Variants in LRP1B observed in about 807,000 individuals in gnomAD.
LRP1B encodes the protein LDL receptor related protein 1B, also known as low-density lipoprotein receptor-related protein 1B.
A neutral mutation model predicts 556.6 loss-of-function variants in LRP1B; 217 were observed. The ratio of observed to expected loss-of-function variants is 0.39; its 90% confidence interval spans 0.35 to 0.44. LRP1B has a LOEUF of 0.44. LRP1B is among the 20% of genes least tolerant of loss of function. LRP1B has a pLI of 1.00. For missense variants in LRP1B, 5,053 were observed against 5,620.8 expected (o/e 0.90, Z 3.23); for synonymous variants, 2,047 against 1,865.8 (o/e 1.10, Z -2.50).
In LRP1B at chr2:140,238,311, CATT is replaced by C; in HGVS notation, c.13416-18_13416-16del. ...TTGTTTTTGTCCTAGAATATATAAA[CATT>C]AATATGTGTGAGTTTTGTATAAATA... On this transcript the variant is annotated splice_polypyrimidine_tract_variant and intron_variant, in intron 88 of 90. Coordinates refer to ENST00000389484, the MANE Select transcript of LRP1B (RefSeq NM_018557.3). 7.3e-7 allele frequency: 1 copy of C among 1,370,534 alleles called. No homozygotes were observed. Among genetic ancestry groups the C allele is most frequent in the Non-Finnish European group, 1.0e-6 (1 of 975,524 alleles). 84.9% of individuals were successfully genotyped at this position (1,370,534 alleles called of 1,614,324 possible). A position where few individuals can be genotyped will look rare whatever the true frequency, so the allele number is the denominator to read the frequency against.
chr2:140,805,511 C>A (rs1434741572), intron 32 of LRP1B, among the ~76,000 whole-genome samples: 2 of 152,240 alleles, frequency 1.3e-5, no homozygotes, highest in African/African-American at 2.4e-5. Context: ...TAAACTCCCA[C>A]CAAATTCTTA....
intron 25 of LRP1B, among the ~76,000 whole-genome samples, chr2:140,876,450 T>C (rs997985644): frequency 1.3e-5 from 2 of 152,158 alleles, no homozygotes; most frequent in Non-Finnish European, 2.9e-5. Flanking sequence ...AGGACACAAT[T>C]GGAGAAACTG....
chr2:141,161,202 T>C (rs1680018207), intron 7 of LRP1B, among the ~76,000 whole-genome samples: 2 of 152,160 alleles, frequency 1.3e-5, no homozygotes, highest in Admixed American at 6.6e-5. Flanking sequence ...ATTTAACTGT[T>C]AACCGTTTTT....
intron 31 of LRP1B, among the ~76,000 whole-genome samples, chr2:140,838,875 C>T (rs1284587632): frequency 1.3e-5 from 2 of 152,104 alleles, no homozygotes; most frequent in Non-Finnish European, 2.9e-5. Context: ...ATAATATAGA[C>T]ATCTACATGC....
intron 35 of LRP1B, among the ~76,000 whole-genome samples, chr2:140,726,152 C>T (rs1291361346): frequency 1.3e-5 from 2 of 152,096 alleles, no homozygotes; most frequent in African/African-American, 2.4e-5. Context: ...TTATGAAATG[C>T]TACACAGCCC....
At chr2:140,603,555 G>A (rs1682753829) in intron 41 of LRP1B, among the ~76,000 whole-genome samples, 1 of 152,052 alleles carries the variant, frequency 6.6e-6, no homozygotes, top group African/African-American at 2.4e-5. Flanking sequence ...TTCTCTTCCA[G>A]TAACCATGAC....
intron 3 of LRP1B, among the ~76,000 whole-genome samples, chr2:141,383,078 T>A (rs1263656457): frequency 2.0e-5 from 3 of 152,162 alleles, no homozygotes; most frequent in African/African-American, 7.2e-5. Context: ...ATATACATTT[T>A]CCAAAGAAGA....
In LRP1B at chr2:141,762,982, G is replaced by A. The variant is rs180803552; in HGVS notation, c.205+47297C>T. Among the ~76,000 whole-genome samples the A allele has an allele frequency of 6.1e-3, 929 of 152,294 alleles. 2 individuals are homozygous for A. The highest frequency in any genetic ancestry group is 0.01 in the Middle Eastern group (3 of 294). On this transcript the variant is annotated intron_variant, in intron 2 of 90. Transcript: ENST00000389484. ...CTATGACAATTAATGAACCAGCTACGTGTACTGACATCTTAGGTGCAAGTT... is the reference window on the plus strand; with the variant it reads ...CTATGACAATTAATGAACCAGCTACATGTACTGACATCTTAGGTGCAAGTT...
intron 53 of LRP1B, among the ~76,000 whole-genome samples, chr2:140,503,374 C>A (rs1689278531): frequency 6.6e-6 from 1 of 152,038 alleles, no homozygotes; most frequent in Admixed American, 6.6e-5. Flanking sequence ...TATACCATTT[C>A]TCTTCACCTA....
chr2:141,867,135 T>C (rs1698438127), intron 1 of LRP1B, among the ~76,000 whole-genome samples: 1 of 152,140 alleles, frequency 6.6e-6, no homozygotes, highest in Admixed American at 6.5e-5. Context: ...GTTTCAGAAT[T>C]AGAAGAGATA....
intron 3 of LRP1B, among the ~76,000 whole-genome samples, chr2:141,397,022 A>G (rs943515172): frequency 6.7e-6 from 1 of 149,428 alleles, no homozygotes; most frequent in African/African-American, 2.5e-5. Context: ...CTTAGGGAAG[A>G]GAATCGCTTG....
chr2:140,793,279 TTAATC>T (rs1288417554), intron 32 of LRP1B, among the ~76,000 whole-genome samples: 1 of 152,036 alleles, frequency 6.6e-6, no homozygotes, highest in Non-Finnish European at 1.5e-5. Flanking sequence ...TTGATTTTGA[TTAATC>T]TAAATCCTTT....
chr2:141,140,247 T>C (rs913915462), intron 7 of LRP1B, among the ~76,000 whole-genome samples: 4 of 152,134 alleles, frequency 2.6e-5, no homozygotes, highest in East Asian at 1.9e-4. Flanking sequence ...ATTATTTTGA[T>C]TGTAGTAATG....
chr2:141,229,296 A>C lies in LRP1B; in HGVS notation c.737T>G (p.Met246Arg), dbSNP rs148653480. ...TTCTCTTGATTCAATCCAACAAATC[A>C]TATCTTCATTATAAATAAAATCCAG... Reference protein sequence around the residue: ...HTLDFIYNEDMICWIESRESS... With the variant: ...HTLDFIYNEDRICWIESRESS... The change falls in exon 6 of 91, where the codon ATG (methionine) becomes AGG (arginine). Residue 246 changes from methionine (M) to arginine (R), a missense_variant. Around this residue, in one of 5 missense-constraint regions of LRP1B, gnomAD observed 3,619 missense variants for 3,931.9 expected, o/e 0.92. Coordinates refer to ENST00000389484, the MANE Select transcript of LRP1B (RefSeq NM_018557.3). 1 of 1,612,654 alleles carries C rather than the reference A, an allele frequency of 6.2e-7. No homozygotes were observed. The highest frequency in any genetic ancestry group is 8.5e-7 in the Non-Finnish European group (1 of 1,178,884).
chr2:141,717,943 A>C (rs1692668436), intron 2 of LRP1B, among the ~76,000 whole-genome samples: 1 of 152,252 alleles, frequency 6.6e-6, no homozygotes, highest in Non-Finnish European at 1.5e-5. Flanking sequence ...GATGAAAATA[A>C]GACAAATAAA....
intron 2 of LRP1B, among the ~76,000 whole-genome samples, chr2:141,531,040 A>G (rs1403540463): frequency 6.6e-6 from 1 of 151,986 alleles, no homozygotes; most frequent in Non-Finnish European, 1.5e-5. Context: ...TATTTTTAAA[A>G]TAATAATTTA....
At chr2:141,173,262 CA>C (rs2105149461) in intron 7 of LRP1B, among the ~76,000 whole-genome samples, 1 of 152,156 alleles carries the variant, frequency 6.6e-6, no homozygotes, top group East Asian at 1.9e-4. Flanking sequence ...ATTTTGTTCT[CA>C]AGCAGTGCAC....
chr2:141,797,146 CATAT>C (rs6146945), intron 2 of LRP1B, among the ~76,000 whole-genome samples: 3,585 of 78,724 alleles, frequency 0.046, 129 homozygotes, highest in African/African-American at 0.13. Flanking sequence ...TGAAAATAAT[CATAT>C]ATATATATAT....
intron 35 of LRP1B, among the ~76,000 whole-genome samples, chr2:140,717,483 T>C (rs1284662641): frequency 6.6e-6 from 1 of 152,100 alleles, no homozygotes; most frequent in African/African-American, 2.4e-5. Context: ...TTCTATGTGA[T>C]CACAGAGTCT....
Sources: allele counts gnomAD v4.1 joint callset (sites outside exome capture counted in the v4.1 genomes callset), GRCh38; gene constraint gnomAD v4.1.1; regional missense constraint gnomAD v4.1.1; transcripts MANE v1.5; gene names NCBI Gene and HGNC (gene_info 2026-07-23, HGNC 2026-07-21).